The following PARD3B variants were observed in gnomAD, a reference collection of about 807,000 sequenced individuals.
The protein encoded by PARD3B is partitioning defective 3 homolog B.
Under a neutral mutation model 130.2 loss-of-function variants are expected in PARD3B, and 103 were observed. That is an observed-to-expected ratio of 0.79 (90% CI 0.67 to 0.93). PARD3B has a LOEUF of 0.93. PARD3B is among the 40% of genes least tolerant of loss of function. The pLI is 0.00. For missense variants in PARD3B, 1,609 were observed against 1,499.2 expected (o/e 1.07, Z -1.21); for synonymous variants, 583 against 553.2 (o/e 1.05, Z -0.76).
intron 2 of PARD3B, among the ~76,000 whole-genome samples, chr2:204,744,210 C>A (rs151312333): frequency 3.8e-3 from 577 of 152,200 alleles, no homozygotes; most frequent in Non-Finnish European, 5.5e-3. Context: ...GAGAGTCATT[C>A]AGATTGGTCC....
chr2:204,790,233 A>T (rs2042154471), intron 2 of PARD3B, among the ~76,000 whole-genome samples: 1 of 152,168 alleles, frequency 6.6e-6, no homozygotes, highest in Admixed American at 6.5e-5. Flanking sequence ...TTTTTCTACC[A>T]GCTCTTTATC....
At chr2:205,254,046 G>C (rs1268612715) in intron 16 of PARD3B, among the ~76,000 whole-genome samples, 1 of 139,230 alleles carries the variant, frequency 7.2e-6, no homozygotes, top group African/African-American at 2.7e-5. Context: ...AGCAAGTCAC[G>C]TTGGAAGACA....
At chr2:205,566,051 C>G (rs555729385) in intron 22 of PARD3B, among the ~76,000 whole-genome samples, 56 of 152,068 alleles carry the variant, frequency 3.7e-4, no homozygotes, top group African/African-American at 1.3e-3. Flanking sequence ...AGAAAGAGAA[C>G]AGCACACGCA....
intron 20 of PARD3B, among the ~76,000 whole-genome samples, chr2:205,478,040 A>C (rs2049086792): frequency 6.6e-6 from 1 of 152,156 alleles, no homozygotes; most frequent in African/African-American, 2.4e-5. Flanking sequence ...GCCCCACTCC[A>C]CTTCATCCAA....
rs562984489 is a variant in PARD3B, at chr2:205,183,695, T to C, written c.1925-2069T>C. On this transcript the variant is annotated intron_variant, in intron 13 of 22. Coordinates refer to ENST00000406610, the MANE Select transcript of PARD3B (RefSeq NM_001302769.2). The surrounding 1 kb of genome is among the most constrained non-coding windows in gnomAD (Gnocchi z 5.2). The stretch of plus-strand genomic sequence containing the variant: ...GCTTGGAGCAAGTCCTTGCCTTGTG[T>C]ATTTCTCAGGGTTCTGCAGAGAAAC... 2.7e-4 allele frequency among the ~76,000 whole-genome samples: 41 copies of C among 152,128 alleles called. No individual in the cohort carries two copies. Among genetic ancestry groups the C allele is most frequent in the African/African-American group, 9.4e-4 (39 of 41,498 alleles).
At chr2:205,566,076 G>A (rs567500202) in intron 22 of PARD3B, among the ~76,000 whole-genome samples, 1 of 152,196 alleles carries the variant, frequency 6.6e-6, no homozygotes, top group Non-Finnish European at 1.5e-5. Context: ...CCTTGTGTAG[G>A]AGAACACGTA....
Position 205,618,438 on chromosome 2 carries a change from A to G in PARD3B, c.*2625A>G, listed in dbSNP as rs2055500659. On this transcript the variant is annotated 3_prime_UTR_variant, in exon 23 of 23. Coordinates refer to ENST00000406610, the MANE Select transcript of PARD3B (RefSeq NM_001302769.2). ...TTTAGAGTATTTAGAAGACCAGGCT[A>G]TAATCAGTAATGTGCCTGGGAGCAG... 1 of 152,200 alleles carries G rather than the reference A, an allele frequency of 6.6e-6. No individual in the cohort carries two copies. The highest frequency in any genetic ancestry group is 1.5e-5 in the Non-Finnish European group (1 of 68,038). The allele number at this position is 152,200 out of a possible 1,614,324, so 9.4% of individuals were successfully genotyped here.
intron 4 of PARD3B, among the ~76,000 whole-genome samples, chr2:205,063,088 T>G (rs979206566): frequency 2.0e-5 from 3 of 152,038 alleles, no homozygotes; most frequent in Non-Finnish European, 2.9e-5. Flanking sequence ...AAATATGCAA[T>G]TATCTCTGTA....
intron 13 of PARD3B, among the ~76,000 whole-genome samples, chr2:205,181,121 C>A (rs2035763109): frequency 6.6e-6 from 1 of 152,166 alleles, no homozygotes; most frequent in Non-Finnish European, 1.5e-5. Flanking sequence ...CCCAAATCTG[C>A]CCAGCATCAC....
In PARD3B at chr2:205,553,373, G is replaced by A. The variant is rs540553285; in HGVS notation, c.3230G>A (p.Gly1077Glu). 1.2e-6 allele frequency: 2 copies of A among 1,614,042 alleles called. No individual in the cohort carries two copies. The highest frequency in any genetic ancestry group is 1.7e-5 in the Admixed American group (1 of 60,020). ...AATGCACACAACCTCCGCTTTGAAG[G>A]GATGGAGAGGCAGTACGCATCCTTA... ...DGNAHNLRFEGMERQYASLPR... is the reference protein window; with the variant it reads ...DGNAHNLRFEEMERQYASLPR... Residue 1077 changes from glycine (G) to glutamate (E), a missense_variant, in exon 22 of 23, where the codon GGG becomes GAG. By Grantham distance (98) the Gly-to-Glu change is moderately conservative (BLOSUM62 -2). Coordinates refer to ENST00000406610, the MANE Select transcript of PARD3B (RefSeq NM_001302769.2).
At chr2:205,582,279 T>C (rs1438511624) in intron 22 of PARD3B, among the ~76,000 whole-genome samples, 1 of 152,214 alleles carries the variant, frequency 6.6e-6, no homozygotes, top group Non-Finnish European at 1.5e-5. Context: ...AGACTCTGGA[T>C]AATTCCTATC....
intron 19 of PARD3B, among the ~76,000 whole-genome samples, chr2:205,404,219 C>A (rs1360761827): frequency 6.6e-6 from 1 of 152,082 alleles, no homozygotes; most frequent in Non-Finnish European, 1.5e-5. Context: ...AGAAATTTCA[C>A]AAAGTTCCCA....
At chr2:205,106,527 G>GTA (rs1490735706) in intron 5 of PARD3B, among the ~76,000 whole-genome samples, 8 of 136,228 alleles carry the variant, frequency 5.9e-5, no homozygotes, top group South Asian at 2.4e-4. Flanking sequence ...GTGTGTGTGT[G>GTA]TGTATATTTG....
chr2:204,736,536 T>C (rs952253818), intron 2 of PARD3B, among the ~76,000 whole-genome samples: 11 of 152,082 alleles, frequency 7.2e-5, no homozygotes, highest in Non-Finnish European at 1.6e-4. Flanking sequence ...TGGTTTTAGG[T>C]TTTCTACTCC....
At chr2:204,968,333 A>G (rs1013509505) in intron 3 of PARD3B, among the ~76,000 whole-genome samples, 1 of 152,242 alleles carries the variant, frequency 6.6e-6, no homozygotes, top group Admixed American at 6.5e-5. Flanking sequence ...TCTTTTTCCA[A>G]CACAAGATAA....
intron 3 of PARD3B, among the ~76,000 whole-genome samples, chr2:205,034,646 G>A (rs1697671092): frequency 6.6e-6 from 1 of 152,026 alleles, no homozygotes; most frequent in South Asian, 2.1e-4. Context: ...CAAAACTTGG[G>A]GGGATTGCTA....
intron 2 of PARD3B, among the ~76,000 whole-genome samples, chr2:204,723,494 T>C (rs567130065): frequency 6.6e-6 from 1 of 152,280 alleles, no homozygotes; most frequent in African/African-American, 2.4e-5. Flanking sequence ...TTATTCACTA[T>C]GATAACAGTC....
chr2:204,665,760 A>G (rs1244497928), intron 1 of PARD3B, among the ~76,000 whole-genome samples: 1 of 152,212 alleles, frequency 6.6e-6, no homozygotes, highest in Non-Finnish European at 1.5e-5. Context: ...TGGTTGCAAG[A>G]AACTAGAAAT....
At chr2:204,567,307 C>T (rs936816185) in intron 1 of PARD3B, among the ~76,000 whole-genome samples, 1 of 152,058 alleles carries the variant, frequency 6.6e-6, no homozygotes, top group East Asian at 1.9e-4. Context: ...GTCGCCACCA[C>T]CCACCTACAA....
Sources: gnomAD v4.1 joint callset for allele counts (sites outside exome capture counted in the v4.1 genomes callset) on GRCh38, gnomAD v4.1.1 for gene constraint, Gnocchi (gnomAD v3.1) non-coding constraint, MANE v1.5 for transcripts, NCBI Gene and HGNC (gene_info 2026-07-23, HGNC 2026-07-21) for gene names.